KCNC4: variants seen among roughly 807,000 people sequenced by gnomAD.
KCNC4 encodes voltage-gated potassium channel KCNC4.
KCNC4 carries 23 observed loss-of-function variants against 42.8 expected under a neutral mutation model. That is an observed-to-expected ratio of 0.54 (90% CI 0.39 to 0.76). The LOEUF is 0.76. KCNC4 is among the 30% of genes least tolerant of loss of function. The pLI is 0.00. For synonymous variants in KCNC4, 422 were observed against 393.5 expected, an observed-to-expected ratio of 1.07 and a Z score of -0.86; for missense variants, 751 against 898.2, an observed-to-expected ratio of 0.84 and a Z score of 2.10.
intron 1 of KCNC4, among the ~76,000 whole-genome samples, chr1:110,279,043 C>T (rs1241729006): frequency 6.6e-6 from 1 of 152,174 alleles, no homozygotes; most frequent in Non-Finnish European, 1.5e-5. Context: ...ACTCCACCCA[C>T]CAGGCTTGGA....
exon 4 of KCNC4, chr1:110,245,606 G>C (rs1659128614): frequency 6.6e-6 from 1 of 152,226 alleles, no homozygotes. Flanking sequence ...TAGCCACTTA[G>C]AAACATACCA....
intron 1 of KCNC4, among the ~76,000 whole-genome samples, chr1:110,274,456 C>A (rs554520074): frequency 2.0e-5 from 3 of 152,274 alleles, no homozygotes; most frequent in Non-Finnish European, 4.4e-5. Context: ...TCTACAGATT[C>A]AGTGCAATCC....
intron 3 of KCNC4, chr1:110,232,228 C>T (rs753318385): frequency 9.3e-6 from 15 of 1,613,724 alleles, no homozygotes; most frequent in East Asian, 8.9e-5. Flanking sequence ...CAGGCACATT[C>T]GTCCTCCGTG....
At chr1:110,260,334 T>C (rs531909016) in intron 1 of KCNC4, among the ~76,000 whole-genome samples, 2 of 152,302 alleles carry the variant, frequency 1.3e-5, no homozygotes, top group South Asian at 2.1e-4. Context: ...TAAAGAGGAA[T>C]TGATGATCTT....
rs1280696986 is a variant in KCNC4 at position 110,260,256 on chromosome 1, C to T, written n.31-22278C>T. ...AACCATTTAGGGCATAAGGGTGCTT[C>T]CCACTGAAAGCCCCATGGATTGCAG... On this transcript the variant is annotated intron_variant and non_coding_transcript_variant, in intron 1 of 2. Coordinates refer to the KCNC4 transcript ENST00000412512. Among the ~76,000 whole-genome samples the T allele has an allele frequency of 2.6e-5, 4 of 152,164 alleles. No homozygotes were observed. In the South Asian group the frequency reaches 8.3e-4, roughly 31 times the overall value.
chr1:110,272,651 G>T (rs1026378383), intron 1 of KCNC4: 1 of 152,150 alleles, frequency 6.6e-6, no homozygotes, highest in Non-Finnish European at 1.5e-5. Flanking sequence ...AATAATCCAT[G>T]ATTGGAGGTG....
intron 1 of KCNC4, among the ~76,000 whole-genome samples, chr1:110,264,858 G>A (rs1256453035): frequency 1.3e-5 from 2 of 152,168 alleles, no homozygotes; most frequent in East Asian, 3.8e-4. Flanking sequence ...AAGACAGGCG[G>A]ATGGCTTAAG....
At chr1:110,271,746 C>T (rs1317050523) in intron 1 of KCNC4, among the ~76,000 whole-genome samples, 1 of 150,906 alleles carries the variant, frequency 6.6e-6, no homozygotes, top group African/African-American at 2.4e-5. Context: ...GTTTCTATTG[C>T]AGGGTGGGGA....
chr1:110,250,121 A>G (rs1659224178), downstream of KCNC4, among the ~76,000 whole-genome samples: 1 of 152,208 alleles, frequency 6.6e-6, no homozygotes, highest in Non-Finnish European at 1.5e-5. Context: ...ACTGTCTTCC[A>G]TATGGTTCCC....
At chr1:110,226,705 G>T (rs1658417742) in intron 3 of KCNC4, among the ~76,000 whole-genome samples, 1 of 152,250 alleles carries the variant, frequency 6.6e-6, no homozygotes, top group East Asian at 1.9e-4. Context: ...CAAGCACCTA[G>T]AGGGTGACTG....
intron 3 of KCNC4, among the ~76,000 whole-genome samples, chr1:110,226,769 G>C (rs898582570): frequency 6.6e-6 from 1 of 152,234 alleles, no homozygotes; most frequent in African/African-American, 2.4e-5. Context: ...TGGGCAGGAA[G>C]AGTGGGTCCC....
chr1:110,223,770 C>G lies in KCNC4; in HGVS notation c.1485C>G (p.His495Gln), dbSNP rs150979037. The stretch of plus-strand genomic sequence containing the variant: ...AGCTGCCCAAGAAACGGAAGAAGCA[C>G]GTGCCACGGCCGGCGCAGCTGGAGT... The part of the protein sequence containing the change: ...KQKLPKKRKK[H>Q]VPRPAQLESP... Residue 495 changes from histidine (H) to glutamine (Q), a missense_variant, in exon 2 of 4, where the codon CAC becomes CAG. Physicochemically the swap from His to Gln is conservative, Grantham distance 24. This residue lies in a region of KCNC4 where 202 missense variants were observed against 181.5 expected (regional missense o/e 1.11). Transcript: ENST00000438661. This position sits in a 1 kb window ranked among gnomAD's most constrained non-coding sequence, Gnocchi z 7.5. 6.2e-7 allele frequency: 1 copy of G among 1,614,146 alleles called. No individual in the cohort carries two copies. Among genetic ancestry groups the G allele is most frequent in the Non-Finnish European group, 8.5e-7 (1 of 1,180,030 alleles).
At position 110,225,944 on chromosome 1, in the gene KCNC4, A is replaced by G. The variant is rs530357265; in HGVS notation, c.1616-31A>G. On this transcript the variant is annotated intron_variant, in intron 2 of 3. Coordinates refer to ENST00000438661, the MANE Select transcript of KCNC4 (RefSeq NM_001039574.3). ...ATGAGCAAGGCTCAGGTCGCCCCTC[A>G]TGCAGCCTCCTTTCTGTGTGCCCCC... 1.9e-6 allele frequency: 3 copies of G among 1,550,108 alleles called. No individual in the cohort carries two copies. The East Asian group carries it at 6.8e-5, about 35-fold the overall frequency.
exon 4 of KCNC4, chr1:110,248,039 T>C (rs1659185839): frequency 6.6e-6 from 1 of 152,258 alleles, no homozygotes; most frequent in Non-Finnish European, 1.5e-5. Context: ...CAGAGACCTA[T>C]GTAGATATGG....
downstream of KCNC4, chr1:110,238,609 T>C (rs1658959994): frequency 6.6e-6 from 1 of 152,146 alleles, no homozygotes; most frequent in African/African-American, 2.4e-5. Flanking sequence ...CCCTTCCCCA[T>C]GCACTCCCTG....
chr1:110,258,483 G>T (rs374007156), intron 1 of KCNC4, among the ~76,000 whole-genome samples: 19 of 152,122 alleles, frequency 1.2e-4, no homozygotes, highest in Non-Finnish European at 2.5e-4. Context: ...TGATCCGCCC[G>T]CCTCAGCCTC....
At chr1:110,267,749 A>G (rs1162555023) in intron 1 of KCNC4, among the ~76,000 whole-genome samples, 4 of 152,188 alleles carry the variant, frequency 2.6e-5, no homozygotes, top group African/African-American at 9.7e-5. Context: ...GAAATCTAAC[A>G]TGACAGACTC....
intron 1 of KCNC4, among the ~76,000 whole-genome samples, chr1:110,279,329 G>T (rs1237139878): frequency 6.6e-6 from 1 of 152,188 alleles, no homozygotes; most frequent in Non-Finnish European, 1.5e-5. Context: ...GATAATAAGG[G>T]TTGGGAGAGA....
At chr1:110,242,078 C>G (rs1322742410) in exon 4 of KCNC4, 1 of 152,288 alleles carries the variant, frequency 6.6e-6, no homozygotes, top group Non-Finnish European at 1.5e-5. Flanking sequence ...GGACCTCTCA[C>G]TCTGCCATCC....
Sources: allele counts gnomAD v4.1 joint callset (sites outside exome capture counted in the v4.1 genomes callset), GRCh38; gene constraint gnomAD v4.1.1; regional missense constraint gnomAD v4.1.1; non-coding constraint Gnocchi (gnomAD v3.1); transcripts MANE v1.5; gene names NCBI Gene and HGNC (gene_info 2026-07-23, HGNC 2026-07-21).